HMBOX1: variants seen among roughly 807,000 people sequenced by gnomAD.
HMBOX1 encodes the protein homeobox-containing protein 1.
In HMBOX1, 14 loss-of-function variants were observed where a neutral mutation model predicts 54.5. That is an observed-to-expected ratio of 0.26 (90% CI 0.17 to 0.40). The LOEUF is 0.40. HMBOX1 is among the 10% of genes least tolerant of loss of function. HMBOX1 has a pLI of 1.00. For missense variants in HMBOX1, 332 were observed against 514.4 expected (o/e 0.65, Z 3.43); for synonymous variants, 160 against 181.0 (o/e 0.88, Z 0.93).
chr8:28,939,286 T>C (rs1820931077), intron 1 of HMBOX1, among the ~76,000 whole-genome samples: 1 of 148,234 alleles, frequency 6.7e-6, no homozygotes, highest in Non-Finnish European at 1.5e-5. Flanking sequence ...CAAAACTCCG[T>C]CTAAAAAAAA....
At chr8:28,890,139 T>C (rs1810582035), upstream of HMBOX1, 1 of 530,208 alleles carries the variant, frequency 1.9e-6, no homozygotes, top group Non-Finnish European at 3.4e-6. Flanking sequence ...CAGCCGCCAA[T>C]GCATCCTCCC....
chr8:29,032,610 T>A (rs1803177253), intron 6 of HMBOX1, among the ~76,000 whole-genome samples: 1 of 152,204 alleles, frequency 6.6e-6, no homozygotes, highest in African/African-American at 2.4e-5. Context: ...CCAGAATGAA[T>A]TATTTCACCA....
At chr8:29,038,990 G>A (rs1274781480) in intron 6 of HMBOX1, among the ~76,000 whole-genome samples, 1 of 152,094 alleles carries the variant, frequency 6.6e-6, no homozygotes, top group African/African-American at 2.4e-5. Context: ...CTTTGGACAT[G>A]GTGTTGTTTC....
At chr8:28,918,049 G>A (rs1010691742) in intron 1 of HMBOX1, among the ~76,000 whole-genome samples, 1 of 152,082 alleles carries the variant, frequency 6.6e-6, no homozygotes, top group Non-Finnish European at 1.5e-5. Flanking sequence ...CTATTTTCTG[G>A]AAGAGACTGA....
intron 1 of HMBOX1, among the ~76,000 whole-genome samples, chr8:28,937,686 C>G (rs913350613): frequency 1.3e-5 from 2 of 151,996 alleles, no homozygotes; most frequent in African/African-American, 4.8e-5. Flanking sequence ...TTAGAGTCCC[C>G]CTGTGTTAGA....
chr8:29,049,326 G>A, intron 9 of HMBOX1: 1 of 1,534,330 alleles, frequency 6.5e-7, no homozygotes, highest in Non-Finnish European at 8.7e-7. Flanking sequence ...GGAGGAGGAG[G>A]GAAGAAGTTC....
At chr8:28,897,045 C>T (rs1234812935) in intron 1 of HMBOX1, among the ~76,000 whole-genome samples, 4 of 147,912 alleles carry the variant, frequency 2.7e-5, no homozygotes, top group African/African-American at 5.0e-5. Context: ...AGTACAATGG[C>T]GCGATGTCAT....
rs567735308 is a variant in HMBOX1 at position 28,923,463 on chromosome 8, A to C, written c.-58+32785A>C. 5.9e-5 allele frequency among the ~76,000 whole-genome samples: 9 copies of C among 152,374 alleles called. No homozygotes were observed. The South Asian group carries it at 1.7e-3, about 28-fold the overall frequency. On this transcript the variant is annotated intron_variant, in intron 1 of 9. Transcript: ENST00000287701. ...GAAATAAGAGCTAAAACCAGGAGCT[A>C]ACGAAGTTTACATTTGAACACCTGT...
intron 2 of HMBOX1, among the ~76,000 whole-genome samples, chr8:28,968,018 T>C (rs1236101315): frequency 1.3e-5 from 2 of 152,224 alleles, no homozygotes; most frequent in East Asian, 1.9e-4. Context: ...TCCCTACTTA[T>C]TTTTAAAAGG....
chr8:29,024,107 A>G (rs1005684173), intron 6 of HMBOX1, among the ~76,000 whole-genome samples: 2 of 152,202 alleles, frequency 1.3e-5, no homozygotes, highest in South Asian at 4.1e-4. Flanking sequence ...CTCATCAACA[A>G]TTTGGTTACC....
At chr8:28,925,197 G>A (rs888500808) in intron 1 of HMBOX1, among the ~76,000 whole-genome samples, 2 of 152,178 alleles carry the variant, frequency 1.3e-5, no homozygotes, top group African/African-American at 4.8e-5. Context: ...TCAGGTTTTA[G>A]TAGAACACAG....
chr8:28,969,236 C>T (rs186694232), intron 2 of HMBOX1, among the ~76,000 whole-genome samples: 4 of 152,312 alleles, frequency 2.6e-5, no homozygotes. Context: ...TAGTATTTGA[C>T]TACTCCCTTA....
chr8:28,896,049 T>A (rs1229552381), intron 1 of HMBOX1, among the ~76,000 whole-genome samples: 1 of 152,232 alleles, frequency 6.6e-6, no homozygotes, highest in East Asian at 1.9e-4. Context: ...TCATACCACC[T>A]GTGTCCAAAT....
intron 5 of HMBOX1, among the ~76,000 whole-genome samples, chr8:29,017,009 G>A (rs1401374314): frequency 6.6e-6 from 1 of 152,222 alleles, no homozygotes; most frequent in African/African-American, 2.4e-5. Context: ...CCACATTCCT[G>A]TGCTGGGACT....
chr8:28,946,242 C>T (rs539749656), intron 1 of HMBOX1, among the ~76,000 whole-genome samples: 4 of 151,970 alleles, frequency 2.6e-5, no homozygotes, highest in East Asian at 3.9e-4. Flanking sequence ...TGTGAGCCAC[C>T]GTGCCCGGCC....
intron 1 of HMBOX1, among the ~76,000 whole-genome samples, chr8:28,957,177 A>G (rs756580774): frequency 6.6e-6 from 1 of 152,228 alleles, no homozygotes; most frequent in Non-Finnish European, 1.5e-5. Context: ...GTCCCTATCA[A>G]CAGTGGAACG....
chr8:28,962,132 GA>G (rs1222792379), intron 1 of HMBOX1, among the ~76,000 whole-genome samples: 1 of 151,814 alleles, frequency 6.6e-6, no homozygotes, highest in Non-Finnish European at 1.5e-5. Flanking sequence ...AAAATAACTT[GA>G]AAACATCTGT....
At chr8:29,037,839 T>G (rs923315039) in intron 6 of HMBOX1, among the ~76,000 whole-genome samples, 2 of 152,198 alleles carry the variant, frequency 1.3e-5, no homozygotes, top group Non-Finnish European at 2.9e-5. Flanking sequence ...TTTTTTTCCT[T>G]CTTCTGAAAG....
chr8:28,958,195 G>A (rs1233773454), intron 1 of HMBOX1, among the ~76,000 whole-genome samples: 1 of 152,074 alleles, frequency 6.6e-6, no homozygotes, highest in African/African-American at 2.4e-5. Context: ...TTGAACTCCT[G>A]GCCTCAAGCA....
Sources: allele counts gnomAD v4.1 joint callset (sites outside exome capture counted in the v4.1 genomes callset), GRCh38; gene constraint gnomAD v4.1.1; transcripts MANE v1.5; gene names NCBI Gene and HGNC (gene_info 2026-07-23, HGNC 2026-07-21).